Variants in KIAA1217 observed in about 807,000 individuals in gnomAD.
KIAA1217 encodes the protein sickle tail protein homolog.
KIAA1217 carries 88 observed loss-of-function variants against 163.9 expected under a neutral mutation model. The observed-to-expected ratio is 0.54, with a 90% confidence interval of 0.45 to 0.64. KIAA1217 has a LOEUF of 0.64. KIAA1217 is among the 30% of genes least tolerant of loss of function. KIAA1217 has a pLI of 0.00. For missense variants in KIAA1217, 2,372 were observed against 2,475.0 expected (o/e 0.96, Z 0.88); for synonymous variants, 903 against 923.1 (o/e 0.98, Z 0.39).
intron 2 of KIAA1217, among the ~76,000 whole-genome samples, chr10:24,268,952 C>T (rs2076504053): frequency 2.1e-5 from 3 of 144,684 alleles, no homozygotes; most frequent in South Asian, 2.2e-4. Flanking sequence ...AGTAAACTAT[C>T]GCAAGGACAA....
intron 2 of KIAA1217, among the ~76,000 whole-genome samples, chr10:24,062,142 T>A (rs1438928180): frequency 6.6e-6 from 1 of 152,082 alleles, no homozygotes; most frequent in East Asian, 1.9e-4. Flanking sequence ...GTATTCTTTT[T>A]TTATTATTAT....
chr10:24,237,323 T>A (rs575897198), intron 2 of KIAA1217, among the ~76,000 whole-genome samples: 2 of 152,370 alleles, frequency 1.3e-5, no homozygotes, highest in Non-Finnish European at 2.9e-5. Flanking sequence ...CTCTCTGTCT[T>A]GATCATAATA....
rs1052794543 is a variant in KIAA1217, at chr10:24,545,358, C to T, written c.5334+255C>T. On this transcript the variant is annotated intron_variant, in intron 20 of 20. Coordinates refer to ENST00000376454, the MANE Select transcript of KIAA1217 (RefSeq NM_019590.5). The stretch of plus-strand genomic sequence containing the variant: ...TTAACTGTTAACACACGGTGCCAGA[C>T]CAGGTGGCTTTTCTTTGGTGAATGT... The T allele has an allele frequency of 1.0e-5, 14 of 1,370,488 alleles. No homozygotes were observed. In the African/African-American group the frequency reaches 2.0e-4, roughly 20 times the overall value. The allele number at this position is 1,370,488 out of a possible 1,614,324, so 84.9% of individuals were successfully genotyped here. A position where few individuals can be genotyped will look rare whatever the true frequency, so the allele number is the denominator to read the frequency against.
intron 1 of KIAA1217, among the ~76,000 whole-genome samples, chr10:23,898,096 A>G (rs1215218931): frequency 6.6e-6 from 1 of 151,930 alleles, no homozygotes; most frequent in Non-Finnish European, 1.5e-5. Context: ...AAGGGAGTCT[A>G]AGAAAACAGT....
chr10:24,529,283 TA>T (rs1229161097), intron 14 of KIAA1217, among the ~76,000 whole-genome samples: 1 of 152,148 alleles, frequency 6.6e-6, no homozygotes, highest in African/African-American at 2.4e-5. Flanking sequence ...TATTTGCATG[TA>T]ACCTACTCAC....
intron 2 of KIAA1217, among the ~76,000 whole-genome samples, chr10:24,182,035 C>A: frequency 6.6e-6 from 1 of 152,040 alleles, no homozygotes; most frequent in East Asian, 1.9e-4. Context: ...GTTAAAGGAC[C>A]ACAAATGTGT....
chr10:24,460,582 A>G (rs1336550367), intron 5 of KIAA1217, among the ~76,000 whole-genome samples: 1 of 152,160 alleles, frequency 6.6e-6, no homozygotes, highest in Non-Finnish European at 1.5e-5. Context: ...CTCTTGACAC[A>G]TGGGCTGATG....
intron 1 of KIAA1217, among the ~76,000 whole-genome samples, chr10:23,791,116 T>C (rs545949556): frequency 6.6e-6 from 1 of 152,304 alleles, no homozygotes; most frequent in African/African-American, 2.4e-5. Flanking sequence ...TCTTTTGACA[T>C]CTATAAATAG....
chr10:24,530,003 G>A (rs2072881150), intron 14 of KIAA1217, among the ~76,000 whole-genome samples: 1 of 151,870 alleles, frequency 6.6e-6, no homozygotes, highest in African/African-American at 2.4e-5. Context: ...CACCGTGTTG[G>A]CCAGGCTGAT....
At chr10:23,747,826 T>C (rs931009711) in intron 1 of KIAA1217, among the ~76,000 whole-genome samples, 3 of 152,056 alleles carry the variant, frequency 2.0e-5, no homozygotes, top group African/African-American at 7.2e-5. Context: ...GATGAATCCA[T>C]CTCCATGTTT....
At chr10:24,357,521 C>G (rs1386112027) in intron 2 of KIAA1217, among the ~76,000 whole-genome samples, 1 of 152,174 alleles carries the variant, frequency 6.6e-6, no homozygotes, top group Non-Finnish European at 1.5e-5. Context: ...AAGCTTAATT[C>G]CCCTGCAGCA....
At chr10:24,450,322 G>A (rs2132265900) in intron 5 of KIAA1217, among the ~76,000 whole-genome samples, 1 of 152,220 alleles carries the variant, frequency 6.6e-6, no homozygotes, top group South Asian at 2.1e-4. Flanking sequence ...TAAAGAAATA[G>A]CAGTTTAATC....
At chr10:24,520,643 AAAAAAAAAATATAT>A (rs1313982282) in intron 11 of KIAA1217, among the ~76,000 whole-genome samples, 7 of 88,190 alleles carry the variant, frequency 7.9e-5, no homozygotes, top group African/African-American at 3.7e-4. Context: ...AAAAAAAAAA[AAAAAAAAAATATAT>A]ATATATATAT....
At chr10:23,907,135 C>T (rs1356161156) in intron 1 of KIAA1217, among the ~76,000 whole-genome samples, 1 of 152,046 alleles carries the variant, frequency 6.6e-6, no homozygotes, top group East Asian at 1.9e-4. Context: ...GCCTAAAGAC[C>T]TTTATTGGAC....
At chr10:24,225,283 T>C (rs879259614) in intron 2 of KIAA1217, among the ~76,000 whole-genome samples, 1 of 152,126 alleles carries the variant, frequency 6.6e-6, no homozygotes, top group African/African-American at 2.4e-5. Flanking sequence ...TCACCACTTC[T>C]GGCCAGTTTT....
At chr10:24,155,983 A>G (rs2064856246) in intron 2 of KIAA1217, among the ~76,000 whole-genome samples, 1 of 152,206 alleles carries the variant, frequency 6.6e-6, no homozygotes, top group South Asian at 2.1e-4. Context: ...TAAATAGCTT[A>G]TTTGAAGTAT....
chr10:24,030,305 G>T (rs1334750515), intron 2 of KIAA1217, among the ~76,000 whole-genome samples: 1 of 152,078 alleles, frequency 6.6e-6, no homozygotes, highest in African/African-American at 2.4e-5. Flanking sequence ...CTTGATGGTA[G>T]GTGACTGGAT....
At chr10:23,855,590 A>G (rs1839613002) in intron 1 of KIAA1217, among the ~76,000 whole-genome samples, 1 of 152,022 alleles carries the variant, frequency 6.6e-6, no homozygotes, top group Non-Finnish European at 1.5e-5. Context: ...AGTTCTGGAT[A>G]ATATCCTGCA....
chr10:24,501,301 C>A, intron 8 of KIAA1217, 78 bp from the exon 9 acceptor site: 3 of 1,326,920 alleles, frequency 2.3e-6, no homozygotes, highest in South Asian at 1.4e-5. Context: ...AATTACCAGT[C>A]ATCTGCATTG....
Sources: allele counts gnomAD v4.1 joint callset (sites outside exome capture counted in the v4.1 genomes callset), GRCh38; gene constraint gnomAD v4.1.1; transcripts MANE v1.5; gene names NCBI Gene and HGNC (gene_info 2026-07-23, HGNC 2026-07-21).